PHC1: variants seen among roughly 807,000 people sequenced by gnomAD.
PHC1 encodes polyhomeotic-like protein 1.
In PHC1, 12 loss-of-function variants were observed where a neutral mutation model predicts 104.3. The observed-to-expected ratio is 0.12, with a 90% CI of 0.07 to 0.19. The LOEUF is 0.19. Among genes scored for constraint, PHC1 ranks in the 10% least tolerant of loss-of-function variants. PHC1 has a pLI of 1.00. For synonymous variants in PHC1, 302 were observed against 455.8 expected (o/e 0.66, Z 4.30); for missense variants, 671 against 1,200.0 (o/e 0.56, Z 6.51).
chr12:8,929,282 G>A (rs925860885), intron 6 of PHC1, among the ~76,000 whole-genome samples: 10 of 152,078 alleles, frequency 6.6e-5, no homozygotes, highest in Non-Finnish European at 1.2e-4. Flanking sequence ...GAAGGTGCTA[G>A]CAATATAACA....
chr12:8,936,321 G>A (rs1001284675), intron 11 of PHC1, among the ~76,000 whole-genome samples: 17 of 152,340 alleles, frequency 1.1e-4, no homozygotes, highest in Middle Eastern at 6.8e-3. Context: ...GGTGGAGGTT[G>A]CAGCGATCCA....
At chr12:8,923,899 T>C (rs1945441091) in intron 6 of PHC1, among the ~76,000 whole-genome samples, 1 of 144,342 alleles carries the variant, frequency 6.9e-6, no homozygotes, top group Non-Finnish European at 1.5e-5. Context: ...GAACAAAAAA[T>C]AATACAAAAA....
intron 14 of PHC1, 92 bp from the exon 15 acceptor site, chr12:8,939,212 CT>C (rs1945937779): frequency 6.9e-7 from 1 of 1,459,174 alleles, no homozygotes; most frequent in Admixed American, 2.0e-5. Flanking sequence ...AGGACAGGTA[CT>C]TTGGAATTAA....
intron 7 of PHC1, among the ~76,000 whole-genome samples, chr12:8,931,782 G>A (rs1406748984): frequency 6.6e-6 from 1 of 152,030 alleles, no homozygotes; most frequent in Non-Finnish European, 1.5e-5. Flanking sequence ...GCCTTTTTTT[G>A]TTTCTAGTAC....
Position 8,921,617 on chromosome 12 carries a change from C to T in PHC1, c.323C>T (p.Thr108Ile). The change falls in exon 5 of 15, where the codon ACA becomes ATA. Residue 108 changes from threonine (T) to isoleucine (I), a missense_variant. Physicochemically the swap from Thr to Ile is moderately conservative, Grantham distance 89. Coordinates refer to ENST00000544916, the MANE Select transcript of PHC1 (RefSeq NM_004426.3). ...TTQASINLAT[T>I]SAAQLISRSQ... ...ACCACACAGATCAATCTGGCCACCA[C>T]ATCGGCCGCCCAGCTCATCAGCCGA... 6.2e-7 allele frequency: 1 copy of T among 1,613,740 alleles called. No individual in the cohort carries two copies. The highest frequency in any genetic ancestry group is 8.5e-7 in the Non-Finnish European group (1 of 1,179,884).
rs141256799 is a variant in PHC1 at position 8,937,926 on chromosome 12, G to T, written c.2726G>T (p.Gly909Val). The change falls in exon 14 of 15, where the codon GGA becomes GTA. Residue 909 changes from glycine (G) to valine (V), a missense_variant. Physicochemically the swap from Gly to Val is moderately radical, Grantham distance 109. Around this residue, in one of 9 missense-constraint regions of PHC1, gnomAD observed 192 missense variants for 280.5 expected, o/e 0.68. Coordinates refer to ENST00000544916, the MANE Select transcript of PHC1 (RefSeq NM_004426.3). ...CCTTTATCAGTAAGAGCTGGGCATG[G>T]AGAACGTGACCTGGGGAATCCCAAT... The part of the protein sequence containing the change: ...PGPLSVRAGH[G>V]ERDLGNPNTA... The T allele has an allele frequency of 1.2e-6, 2 of 1,605,378 alleles. No individual in the cohort carries two copies. The highest frequency in any genetic ancestry group is 1.1e-5 in the South Asian group (1 of 90,830).
At chr12:8,924,886 A>G (rs1945473402) in intron 6 of PHC1, among the ~76,000 whole-genome samples, 1 of 152,238 alleles carries the variant, frequency 6.6e-6, no homozygotes, top group Admixed American at 6.5e-5. Flanking sequence ...CTGTTCTAAC[A>G]GTTCCTGGAG....
At chr12:8,931,884 A>G (rs1342636245) in intron 7 of PHC1, among the ~76,000 whole-genome samples, 1 of 152,184 alleles carries the variant, frequency 6.6e-6, no homozygotes, top group African/African-American at 2.4e-5. Flanking sequence ...TAGCAGTTCT[A>G]TTTCTAAATT....
rs1375493113 is a variant in PHC1 at position 8,914,628 on chromosome 12, C to T, written c.-248C>T. ...GCGGCCGGGCCCGCACCCGGAGCGG[C>T]GGGAGGGGCGGGGAGCCGCGGTCGC... On this transcript the variant is annotated 5_prime_UTR_variant, in exon 1 of 15. Coordinates refer to ENST00000544916, the MANE Select transcript of PHC1 (RefSeq NM_004426.3). The T allele has an allele frequency of 6.7e-6, 1 of 150,006 alleles. No homozygotes were observed. The highest frequency in any genetic ancestry group is 1.5e-5 in the Non-Finnish European group (1 of 67,094). 9.3% of individuals were successfully genotyped at this position (150,006 alleles called of 1,614,324 possible). A position where few individuals can be genotyped will look rare whatever the true frequency, so the allele number is the denominator to read the frequency against.
At chr12:8,929,027 G>A (rs1945608217) in intron 6 of PHC1, among the ~76,000 whole-genome samples, 1 of 152,124 alleles carries the variant, frequency 6.6e-6, no homozygotes, top group Admixed American at 6.5e-5. Flanking sequence ...GTGGTACATG[G>A]CAAGAGTTTG....
At chr12:8,926,510 A>G (rs1328590654) in intron 6 of PHC1, among the ~76,000 whole-genome samples, 1 of 152,082 alleles carries the variant, frequency 6.6e-6, no homozygotes, top group African/African-American at 2.4e-5. Flanking sequence ...GCCCCAGTTA[A>G]CTTGGGAGGC....
At chr12:8,931,963 C>G (rs1289244255) in intron 7 of PHC1, among the ~76,000 whole-genome samples, 1 of 152,114 alleles carries the variant, frequency 6.6e-6, no homozygotes, top group East Asian at 1.9e-4. Flanking sequence ...TTTGTCACTC[C>G]CAGTTTACAG....
In PHC1 at chr12:8,934,368, G is replaced by T. The variant is rs762926679; in HGVS notation, c.2143G>T (p.Val715Leu). 2.7e-5 allele frequency: 44 copies of T among 1,613,550 alleles called. No individual in the cohort carries two copies. Among genetic ancestry groups the T allele is most frequent in the Middle Eastern group, 1.6e-4 (1 of 6,084 alleles). ...PSVPPPTLAM[V>L]SRQMGDSKPP... ...AGTACCGCCTCCTACACTAGCCATG[G>T]TGTCTAGACAAATGGGTGACTCAAA... is the stretch of plus-strand genomic sequence containing the variant. The change falls in exon 10 of 15, where the codon GTG becomes TTG. Residue 715 changes from valine (V) to leucine (L), a missense_variant. Around this residue, in one of 9 missense-constraint regions of PHC1, gnomAD observed 29 missense variants for 78.0 expected, o/e 0.37. Transcript: ENST00000544916.
chr12:8,930,553 C>G lies in PHC1; in HGVS notation c.731C>G (p.Ser244Cys). 1.9e-6 allele frequency: 3 copies of G among 1,569,452 alleles called. No homozygotes were observed. The highest frequency in any genetic ancestry group is 2.6e-6 in the Non-Finnish European group (3 of 1,157,032). The change falls in exon 7 of 15, where the codon TCT becomes TGT. Residue 244 changes from serine to cysteine, a missense_variant. Ser to Cys is a moderately radical substitution (Grantham distance 112). Around this residue, in one of 9 missense-constraint regions of PHC1, gnomAD observed 237 missense variants for 331.1 expected, o/e 0.72. Coordinates refer to ENST00000544916, the MANE Select transcript of PHC1 (RefSeq NM_004426.3). ...CCTGTCTCTAGCCTCTCCCAGGCCT[C>G]TAGCCAGGCCCTAGCGGTGGCACAG... ...ASPVSSLSQA[S>C]SQALAVAQAS...
rs985932447 is a variant in PHC1, at chr12:8,921,055, C to A, written c.296C>A (p.Thr99Asn). ...ACTACACAGCAGCAGACTACCACCA[C>A]CCAGGCCTCGGTGAGTACGCCCTCT... ...TSTTQQQTTT[T>N]QASINLATTS... The change falls in exon 4 of 15, where the codon ACC becomes AAC. Residue 99 changes from threonine to asparagine, a missense_variant. Physicochemically the swap from Thr to Asn is moderately conservative, Grantham distance 65. Transcript: ENST00000544916. 6.2e-6 allele frequency: 10 copies of A among 1,612,590 alleles called. No homozygotes were observed. In the African/African-American group the frequency reaches 9.4e-5, roughly 15 times the overall value.
At chr12:8,924,800 A>T (rs1311422796) in intron 6 of PHC1, among the ~76,000 whole-genome samples, 1 of 152,234 alleles carries the variant, frequency 6.6e-6, no homozygotes, top group Non-Finnish European at 1.5e-5. Context: ...CATAGGTCAC[A>T]GGGATCATTG....
intron 3 of PHC1, 143 bp downstream of exon 3, chr12:8,920,009 T>G: frequency 2.3e-6 from 3 of 1,278,782 alleles, no homozygotes. Context: ...TGTGGGAGGA[T>G]GGATGCATCT....
chr12:8,933,737 C>A (rs1043880078), intron 8 of PHC1, 128 bp from the exon 9 acceptor site: 2 of 720,948 alleles, frequency 2.8e-6, no homozygotes, highest in Non-Finnish European at 4.6e-6. Context: ...TTTAGTGTAC[C>A]ATGGGAAGTA....
At chr12:8,936,455 G>A (rs1215262957) in intron 11 of PHC1, among the ~76,000 whole-genome samples, 3 of 152,056 alleles carry the variant, frequency 2.0e-5, no homozygotes, top group African/African-American at 7.2e-5. Flanking sequence ...CCTTATTCTA[G>A]ATTTTATAAT....
Sources: gnomAD v4.1 joint callset for allele counts (sites outside exome capture counted in the v4.1 genomes callset) on GRCh38, gnomAD v4.1.1 for gene constraint, gnomAD v4.1.1 regional missense constraint, MANE v1.5 for transcripts, NCBI Gene and HGNC (gene_info 2026-07-23, HGNC 2026-07-21) for gene names.